EYS: variants seen among roughly 807,000 people sequenced by gnomAD.
EYS encodes the protein protein eyes shut homolog.
A neutral mutation model predicts 282.1 loss-of-function variants in EYS; 250 were observed. The ratio of observed to expected loss-of-function variants is 0.89; its 90% confidence interval spans 0.80 to 0.98. The LOEUF (loss-of-function observed/expected upper bound fraction) is 0.98, where lower values mean the gene tolerates loss of function less well. Among genes scored for constraint, EYS ranks in the 50% least tolerant of loss-of-function variants. The pLI is 0.00. For synonymous variants in EYS, 1,355 were observed against 1,282.9 expected, an observed-to-expected ratio of 1.06 and a Z score of -1.20; for missense variants, 4,016 against 3,709.0, an observed-to-expected ratio of 1.08 and a Z score of -2.15.
intron 12 of EYS, among the ~76,000 whole-genome samples, chr6:65,235,249 T>C (rs1215179784): frequency 6.6e-6 from 1 of 152,190 alleles, no homozygotes; most frequent in African/African-American, 2.4e-5. Context: ...ATTTACTTTG[T>C]TCAAGTTTCT....
rs1491588984 is a variant in EYS, at chr6:64,670,448, A to AATAAATAAATG, written c.3444-44204_3444-44203insCATTTATTTAT. Among the ~76,000 whole-genome samples, 7 of 89,576 alleles carry AATAAATAAATG rather than the reference A, an allele frequency of 7.8e-5. No individual in the cohort carries two copies. In the East Asian group the frequency reaches 2.0e-3, roughly 26 times the overall value. 58.8% of individuals were successfully genotyped at this position (89,576 alleles called of 152,430 possible). A position where few individuals can be genotyped will look rare whatever the true frequency, so the allele number is the denominator to read the frequency against. On this transcript the variant is annotated intron_variant, in intron 22 of 42. Coordinates refer to ENST00000503581, the MANE Select transcript of EYS (RefSeq NM_001142800.2). The stretch of plus-strand genomic sequence containing the variant: ...AAATAAATAAATAAATAAATAAATG[A>AATAAATAAATG]AAAAAAAACGTTAATAGCACTAGAA...
At chr6:65,386,157 T>G (rs1765794257) in intron 7 of EYS, among the ~76,000 whole-genome samples, 1 of 149,062 alleles carries the variant, frequency 6.7e-6, no homozygotes, top group Non-Finnish European at 1.5e-5. Flanking sequence ...AAAGTGTTTC[T>G]AAACAGAGCA....
At chr6:65,540,016 G>T (rs897579864) in intron 2 of EYS, among the ~76,000 whole-genome samples, 15 of 152,160 alleles carry the variant, frequency 9.9e-5, no homozygotes, top group Non-Finnish European at 2.1e-4. Flanking sequence ...GTTTATCTTT[G>T]CATAAAAAAG....
intron 12 of EYS, among the ~76,000 whole-genome samples, chr6:65,226,890 A>T (rs1344644552): frequency 6.6e-6 from 1 of 152,198 alleles, no homozygotes; most frequent in Non-Finnish European, 1.5e-5. Flanking sequence ...ATCGGATGAT[A>T]AATAGACAAA....
chr6:65,354,361 T>C (rs1216436518), intron 8 of EYS, among the ~76,000 whole-genome samples: 1 of 152,100 alleles, frequency 6.6e-6, no homozygotes, highest in African/African-American at 2.4e-5. Flanking sequence ...AAAACACAGC[T>C]GAGACATGCA....
chr6:64,780,267 T>C (rs779562786), intron 22 of EYS, among the ~76,000 whole-genome samples: 5 of 152,174 alleles, frequency 3.3e-5, no homozygotes, highest in Non-Finnish European at 5.9e-5. Flanking sequence ...TGAAATAAGA[T>C]TTTATTTAAA....
Position 64,312,312 on chromosome 6 carries a change from G to A in EYS, c.6079-5230C>T, listed in dbSNP as rs958876796. Among the ~76,000 whole-genome samples the A allele has an allele frequency of 2.4e-4, 37 of 152,062 alleles. 1 individual carries two copies. The highest frequency in any genetic ancestry group is 1.5e-4 in the Non-Finnish European group (10 of 68,012). On this transcript the variant is annotated intron_variant, in intron 29 of 42. Coordinates refer to ENST00000503581, the MANE Select transcript of EYS (RefSeq NM_001142800.2). ...ACTGCACCTCAGCAAGGGTGCTGTG[G>A]CCAGACTGCATCTCTAGATTCCTCC...
intron 2 of EYS, among the ~76,000 whole-genome samples, chr6:65,560,882 T>A (rs1265302247): frequency 2.6e-5 from 4 of 152,122 alleles, no homozygotes. Flanking sequence ...CCAGTTGTTG[T>A]AAGTTGCAGA....
At chr6:65,093,636 C>T (rs182006037) in intron 12 of EYS, among the ~76,000 whole-genome samples, 122 of 151,642 alleles carry the variant, frequency 8.0e-4, no homozygotes, top group Non-Finnish European at 1.4e-3. Context: ...CCTAAATATA[C>T]ACAAATAAAA....
At chr6:64,079,110 T>C (rs992250940) in intron 32 of EYS, among the ~76,000 whole-genome samples, 8 of 152,154 alleles carry the variant, frequency 5.3e-5, no homozygotes, top group Non-Finnish European at 1.0e-4. Flanking sequence ...GTTCTGTTTT[T>C]CTTTTGTTTA....
intron 26 of EYS, among the ~76,000 whole-genome samples, chr6:64,588,576 T>G (rs548234237): frequency 6.6e-6 from 1 of 152,180 alleles, no homozygotes; most frequent in South Asian, 2.1e-4. Context: ...GCTTTCCATT[T>G]TAGGTTCTGG....
At chr6:64,101,987 C>G (rs76558453) in intron 31 of EYS, among the ~76,000 whole-genome samples, 6,353 of 151,778 alleles carry the variant, frequency 0.042, 396 homozygotes, top group African/African-American at 0.14. Flanking sequence ...TATCTGACAG[C>G]GGGTGGAGCT....
intron 26 of EYS, among the ~76,000 whole-genome samples, chr6:64,476,555 A>C (rs1465118923): frequency 6.6e-6 from 1 of 152,078 alleles, no homozygotes; most frequent in Non-Finnish European, 1.5e-5. Flanking sequence ...TTTTTCAAAA[A>C]GCCTCTATTA....
intron 5 of EYS, among the ~76,000 whole-genome samples, chr6:65,428,773 G>A (rs933131813): frequency 6.6e-6 from 1 of 152,052 alleles, no homozygotes; most frequent in Admixed American, 6.6e-5. Flanking sequence ...AATGTAAGTT[G>A]GATCAAATTG....
intron 30 of EYS, among the ~76,000 whole-genome samples, chr6:64,304,303 C>T (rs1320490935): frequency 6.6e-6 from 1 of 151,904 alleles, no homozygotes; most frequent in Non-Finnish European, 1.5e-5. Context: ...GCAAAAAAGA[C>T]AGAATTTAAG....
intron 31 of EYS, among the ~76,000 whole-genome samples, chr6:64,209,328 A>G (rs186684019): frequency 6.6e-6 from 1 of 152,116 alleles, no homozygotes; most frequent in African/African-American, 2.4e-5. Flanking sequence ...ATATGATATC[A>G]TACTGGTCAT....
chr6:64,319,898 T>C (rs1278876781), intron 29 of EYS, among the ~76,000 whole-genome samples: 1 of 151,976 alleles, frequency 6.6e-6, no homozygotes, highest in Non-Finnish European at 1.5e-5. Flanking sequence ...CTGGCACTCT[T>C]AATTTGCCTT....
intron 34 of EYS, among the ~76,000 whole-genome samples, chr6:63,988,822 A>G (rs1449325997): frequency 6.6e-6 from 1 of 151,610 alleles, no homozygotes; most frequent in African/African-American, 2.4e-5. Flanking sequence ...AGTGAAACGA[A>G]CACTCCTTTT....
intron 22 of EYS, among the ~76,000 whole-genome samples, chr6:64,774,198 C>T (rs1773610377): frequency 6.6e-6 from 1 of 151,934 alleles, no homozygotes; most frequent in Non-Finnish European, 1.5e-5. Context: ...CTGAGGCTTT[C>T]CCAGGATTAA....
Sources: gnomAD v4.1 joint callset for allele counts (sites outside exome capture counted in the v4.1 genomes callset) on GRCh38, gnomAD v4.1.1 for gene constraint, MANE v1.5 for transcripts, NCBI Gene and HGNC (gene_info 2026-07-23, HGNC 2026-07-21) for gene names.